ANKHD1: variants seen among roughly 807,000 people sequenced by gnomAD.
ANKHD1 encodes the protein ankyrin repeat and KH domain-containing protein 1.
In ANKHD1, 31 loss-of-function variants were observed where a neutral mutation model predicts 230.5. The ratio of observed to expected loss-of-function variants is 0.13; its 90% confidence interval spans 0.10 to 0.18. The LOEUF is 0.18. Among genes scored for constraint, ANKHD1 ranks in the 10% least tolerant of loss-of-function variants. ANKHD1 has a pLI of 1.00. For synonymous variants in ANKHD1, 1,074 were observed against 1,117.6 expected, an observed-to-expected ratio of 0.96 and a Z score of 0.78; for missense variants, 2,256 against 3,071.3, an observed-to-expected ratio of 0.73 and a Z score of 6.27.
intron 10 of ANKHD1, among the ~76,000 whole-genome samples, chr5:140,468,329 A>G (rs561231565): frequency 1.3e-5 from 2 of 152,068 alleles, no homozygotes; most frequent in African/African-American, 2.4e-5. Context: ...CTCTGTAACC[A>G]TAAAGTAAGC....
rs1773429980 is a variant in ANKHD1, at chr5:140,436,112, A to G, written c.315A>G (p.Ser105=). The change falls in exon 2 of 34, where the codon TCA becomes TCG. Residue 105 remains serine (S), a synonymous_variant. Coordinates refer to ENST00000360839, the MANE Select transcript of ANKHD1 (RefSeq NM_017747.3). ...CTTTATTTCATTAACAGGTTGAATC[A>G]TTTATTTTGGACCAAGAAGATCTGG... ...SDEDEVSEVE[S]FILDQEDLDN... is the part of the protein sequence containing the mutation. 3.2e-6 allele frequency: 5 copies of G among 1,563,156 alleles called. No individual in the cohort carries two copies. In the East Asian group the frequency reaches 1.2e-4, roughly 36 times the overall value.
Position 140,423,241 on chromosome 5 carries a change from A to G in ANKHD1, c.307-12863A>G, listed in dbSNP as rs536091392. Reference sequence around the variant, plus strand: ...TTGTCATTCTAAACTCTTTTTAGATATTAATAAATTGTATTTGAGTGTTCT... The same window carrying G: ...TTGTCATTCTAAACTCTTTTTAGATGTTAATAAATTGTATTTGAGTGTTCT... On this transcript the variant is annotated intron_variant, in intron 1 of 33. Transcript: ENST00000360839. Among the ~76,000 whole-genome samples, 7 of 152,286 alleles carry G rather than the reference A, an allele frequency of 4.6e-5. No homozygotes were observed. In the South Asian group the frequency reaches 1.5e-3, roughly 32 times the overall value.
Position 140,496,644 on chromosome 5 carries a change from A to G in ANKHD1, c.2370A>G (p.Gly790=), listed in dbSNP as rs1241204362. The G allele has an allele frequency of 1.2e-6, 2 of 1,613,810 alleles. No individual in the cohort carries two copies. The highest frequency in any genetic ancestry group is 1.7e-6 in the Non-Finnish European group (2 of 1,179,962). The change falls in exon 15 of 34, where the codon GGA becomes GGG. Residue 790 remains glycine, a synonymous_variant. Transcript: ENST00000360839. ...CTGAAGGCAAGCTGAATGAACTGGG[A>G]CAAAGAATTAGTGCTATTGAAAAAG... ...EETEGKLNEL[G]QRISAIEKAQ...
At chr5:140,439,406 C>T (rs866623624) in intron 3 of ANKHD1, among the ~76,000 whole-genome samples, 9 of 152,082 alleles carry the variant, frequency 5.9e-5, no homozygotes, top group Admixed American at 5.9e-4. Flanking sequence ...CATGGTGGCT[C>T]ATGTTTGTAA....
At chr5:140,426,107 A>G (rs1772384651) in intron 1 of ANKHD1, among the ~76,000 whole-genome samples, 1 of 152,206 alleles carries the variant, frequency 6.6e-6, no homozygotes, top group African/African-American at 2.4e-5. Flanking sequence ...TTCCCATTTT[A>G]AATGATCAAA....
intron 10 of ANKHD1, among the ~76,000 whole-genome samples, chr5:140,465,877 C>T (rs1776046367): frequency 2.0e-5 from 3 of 152,226 alleles, no homozygotes; most frequent in Admixed American, 1.3e-4. Flanking sequence ...CTTTTGACTT[C>T]TTTCTATATC....
intron 5 of ANKHD1, among the ~76,000 whole-genome samples, chr5:140,445,135 C>T (rs1421627080): frequency 2.0e-5 from 3 of 150,776 alleles, no homozygotes; most frequent in African/African-American, 4.9e-5. Context: ...GCTGGGATTA[C>T]AGGTGTGAGC....
chr5:140,458,682 C>T lies in ANKHD1; in HGVS notation c.1300C>T (p.Pro434Ser). 1 of 1,612,540 alleles carries T rather than the reference C, an allele frequency of 6.2e-7. No homozygotes were observed. Among genetic ancestry groups the T allele is most frequent in the Non-Finnish European group, 8.5e-7 (1 of 1,179,272 alleles). ...LLDSGAQVNM[P>S]ADSFESPLTL... ...GGATAGTGGTGCTCAAGTGAACATG[C>T]CTGCAGATTCATTTGAATCTCCATT... Residue 434 changes from proline to serine, a missense_variant, in exon 8 of 34, where the codon CCT (proline) becomes TCT (serine). By Grantham distance (74) the Pro-to-Ser change is moderately conservative. This residue lies in a region of ANKHD1 where 179 missense variants were observed against 261.8 expected (regional missense o/e 0.68). Coordinates refer to ENST00000360839, the MANE Select transcript of ANKHD1 (RefSeq NM_017747.3).
intron 7 of ANKHD1, among the ~76,000 whole-genome samples, chr5:140,450,790 A>G (rs146622103): frequency 1.3e-5 from 2 of 151,948 alleles, no homozygotes; most frequent in Non-Finnish European, 2.9e-5. Flanking sequence ...ATTTATTATT[A>G]TTATTTTGTT....
intron 10 of ANKHD1, among the ~76,000 whole-genome samples, chr5:140,481,563 T>A (rs1325598689): frequency 6.6e-6 from 1 of 152,070 alleles, no homozygotes; most frequent in Non-Finnish European, 1.5e-5. Context: ...TCTACTCATT[T>A]CTTATTGTTG....
At position 140,528,256 on chromosome 5, in the gene ANKHD1, G is replaced by A; in HGVS notation, c.5310G>A (p.Leu1770=). 6.2e-7 allele frequency: 1 copy of A among 1,613,168 alleles called. No homozygotes were observed. The highest frequency in any genetic ancestry group is 8.5e-7 in the Non-Finnish European group (1 of 1,179,900). The change falls in exon 29 of 34, where the codon CTG becomes CTA. Residue 1770 remains leucine (L), a synonymous_variant. Transcript: ENST00000360839. ...TCATTCAAGATCCTGCTAAGGAACT[G>A]GAAGACTTGATTCCTAAAAATCATA... is the stretch of plus-strand genomic sequence containing the variant. The part of the protein sequence containing the change: ...NALIQDPAKE[L]EDLIPKNHIR...
intron 5 of ANKHD1, among the ~76,000 whole-genome samples, chr5:140,443,306 C>T (rs1307761988): frequency 6.6e-6 from 1 of 152,062 alleles, no homozygotes; most frequent in Non-Finnish European, 1.5e-5. Context: ...TGGTTGTGAA[C>T]TATAGCAAAA....
intron 6 of ANKHD1, among the ~76,000 whole-genome samples, chr5:140,447,702 T>C (rs1774400455): frequency 6.6e-6 from 1 of 152,350 alleles, no homozygotes; most frequent in Non-Finnish European, 1.5e-5. Context: ...ATTTTTCTGC[T>C]CTGCTATCCT....
intron 1 of ANKHD1, among the ~76,000 whole-genome samples, chr5:140,416,245 C>T (rs773294353): frequency 6.6e-6 from 1 of 152,206 alleles, no homozygotes; most frequent in Non-Finnish European, 1.5e-5. Context: ...CCGCAGTAAA[C>T]GTACGTGTGC....
chr5:140,428,653 G>C (rs1772757983), intron 1 of ANKHD1, among the ~76,000 whole-genome samples: 1 of 152,186 alleles, frequency 6.6e-6, no homozygotes, highest in African/African-American at 2.4e-5. Flanking sequence ...AGACCGTGGG[G>C]AGAGGGAGAG....
chr5:140,519,841 G>A (rs1425435859), intron 24 of ANKHD1, among the ~76,000 whole-genome samples: 1 of 151,838 alleles, frequency 6.6e-6, no homozygotes, highest in Admixed American at 6.6e-5. Context: ...GAAAACCTAG[G>A]CATTACCATT....
intron 9 of ANKHD1, among the ~76,000 whole-genome samples, chr5:140,463,592 C>T (rs1295814817): frequency 6.6e-6 from 1 of 152,078 alleles, no homozygotes; most frequent in African/African-American, 2.4e-5. Flanking sequence ...ATTCATTGGT[C>T]ACCTTCGAAG....
chr5:140,473,093 A>G (rs1233227191), intron 10 of ANKHD1, among the ~76,000 whole-genome samples: 1 of 149,096 alleles, frequency 6.7e-6, no homozygotes, highest in African/African-American at 2.5e-5. Context: ...TGGTGCTGCA[A>G]TCTTGGCTCC....
At chr5:140,463,572 T>A (rs1775871963) in intron 9 of ANKHD1, among the ~76,000 whole-genome samples, 1 of 152,186 alleles carries the variant, frequency 6.6e-6, no homozygotes, top group African/African-American at 2.4e-5. Context: ...ATAGATCAAA[T>A]ATATCAGGAA....
Sources: gnomAD v4.1 joint callset for allele counts (sites outside exome capture counted in the v4.1 genomes callset) on GRCh38, gnomAD v4.1.1 for gene constraint, gnomAD v4.1.1 regional missense constraint, MANE v1.5 for transcripts, NCBI Gene and HGNC (gene_info 2026-07-23, HGNC 2026-07-21) for gene names.